The following GRIK4 variants were observed in gnomAD, a reference collection of about 807,000 sequenced individuals.
GRIK4 encodes glutamate receptor ionotropic, kainate 4.
Under a neutral mutation model 104.9 loss-of-function variants are expected in GRIK4, and 40 were observed. The observed-to-expected ratio is 0.38, with a 90% CI of 0.30 to 0.50. The LOEUF (loss-of-function observed/expected upper bound fraction) is 0.50. Ranked by LOEUF, GRIK4 falls within the 20% of genes least tolerant of loss-of-function variation. The probability of loss-of-function intolerance (pLI) is 0.93; values close to 1 mark genes in which losing one functional copy is unlikely to be tolerated. For synonymous variants in GRIK4, 485 were observed against 524.9 expected, an observed-to-expected ratio of 0.92 and a Z score of 1.04; for missense variants, 1,047 against 1,308.1, an observed-to-expected ratio of 0.80 and a Z score of 3.08.
intron 1 of GRIK4, among the ~76,000 whole-genome samples, chr11:120,633,895 A>C (rs926313787): frequency 2.0e-5 from 3 of 152,144 alleles, no homozygotes; most frequent in African/African-American, 7.2e-5. Context: ...AGACGATTGC[A>C]AACCTCTGAG....
chr11:120,845,155 G>T (rs1953820099), intron 8 of GRIK4, among the ~76,000 whole-genome samples: 1 of 152,174 alleles, frequency 6.6e-6, no homozygotes, highest in South Asian at 2.1e-4. Flanking sequence ...GGCATATGAG[G>T]TTGGGTGAGC....
intron 3 of GRIK4, among the ~76,000 whole-genome samples, chr11:120,756,728 C>G (rs1951660315): frequency 6.6e-6 from 1 of 152,184 alleles, no homozygotes; most frequent in Non-Finnish European, 1.5e-5. Flanking sequence ...GACACTGAGA[C>G]TCCTGGATGT....
intron 3 of GRIK4, among the ~76,000 whole-genome samples, chr11:120,779,131 G>A (rs141968524): frequency 2.6e-5 from 4 of 152,320 alleles, no homozygotes; most frequent in Non-Finnish European, 5.9e-5. Context: ...TGATTGACTG[G>A]ACATGATTTC....
chr11:120,776,147 C>T (rs1440529516), intron 3 of GRIK4, among the ~76,000 whole-genome samples: 1 of 152,240 alleles, frequency 6.6e-6, no homozygotes, highest in Non-Finnish European at 1.5e-5. Flanking sequence ...CATCTGCTCT[C>T]TGTTATTGTT....
intron 1 of GRIK4, among the ~76,000 whole-genome samples, chr11:120,539,042 C>T (rs1205469760): frequency 6.6e-6 from 1 of 152,230 alleles, no homozygotes; most frequent in Non-Finnish European, 1.5e-5. Context: ...GCCAGGGCCA[C>T]CTCCAAAGCA....
At chr11:120,577,185 T>C (rs143086547) in intron 1 of GRIK4, among the ~76,000 whole-genome samples, 16 of 152,290 alleles carry the variant, frequency 1.1e-4, no homozygotes, top group African/African-American at 3.4e-4. Flanking sequence ...CTCACCTTGG[T>C]GCATATGTGG....
chr11:120,618,606 C>T (rs921946082), intron 1 of GRIK4, among the ~76,000 whole-genome samples: 11 of 152,198 alleles, frequency 7.2e-5, no homozygotes, highest in South Asian at 2.1e-4. Context: ...ATAATGGTGT[C>T]GTGGGCCAGG....
At chr11:120,519,873 T>TG (rs1947775063) in intron 1 of GRIK4, among the ~76,000 whole-genome samples, 3 of 107,084 alleles carry the variant, frequency 2.8e-5, no homozygotes, top group African/African-American at 4.2e-5. Flanking sequence ...TGGTTTTTTT[T>TG]TTTTTTGTTT....
At chr11:120,552,302 A>T (rs889273867) in intron 1 of GRIK4, among the ~76,000 whole-genome samples, 5 of 152,140 alleles carry the variant, frequency 3.3e-5, no homozygotes, top group African/African-American at 1.2e-4. Context: ...GATGGTGGGG[A>T]GAACCCCCCA....
At chr11:120,740,218 A>G (rs540527985) in intron 3 of GRIK4, among the ~76,000 whole-genome samples, 33 of 152,338 alleles carry the variant, frequency 2.2e-4, no homozygotes, top group East Asian at 9.6e-4. Flanking sequence ...GTACTCTACA[A>G]TCGACAACTG....
At chr11:120,883,694 C>T (rs942361339) in intron 11 of GRIK4, among the ~76,000 whole-genome samples, 6 of 152,208 alleles carry the variant, frequency 3.9e-5, no homozygotes, top group South Asian at 2.1e-4. Context: ...ACACATCAGC[C>T]GGCAAACAAA....
chr11:120,748,070 A>G (rs1484670133), intron 3 of GRIK4, among the ~76,000 whole-genome samples: 2 of 152,004 alleles, frequency 1.3e-5, no homozygotes, highest in African/African-American at 4.8e-5. Flanking sequence ...GCCATTGGGG[A>G]CTGTGATTCT....
Position 120,535,177 on chromosome 11 carries a change from G to A in GRIK4, c.-159+23290G>A, listed in dbSNP as rs966433807. Among the ~76,000 whole-genome samples the A allele has an allele frequency of 3.0e-4, 46 of 152,136 alleles. 1 individual carries two copies. Among genetic ancestry groups the A allele is most frequent in the African/African-American group, 1.1e-3 (46 of 41,414 alleles). On this transcript the variant is annotated intron_variant, in intron 1 of 20. Coordinates refer to ENST00000527524, the MANE Select transcript of GRIK4 (RefSeq NM_014619.5). The stretch of plus-strand genomic sequence containing the variant: ...GTGTACGGCCCACTCTTGTGAGCCT[G>A]TCTGAGCAGGCTCCAGCACACCCGG...
intron 16 of GRIK4, among the ~76,000 whole-genome samples, chr11:120,960,581 G>A (rs1035019209): frequency 3.9e-5 from 6 of 152,304 alleles, no homozygotes; most frequent in Middle Eastern, 3.4e-3. Context: ...GCTGGCACCC[G>A]CAGCTCATTC....
intron 3 of GRIK4, among the ~76,000 whole-genome samples, chr11:120,703,320 C>T (rs1950581825): frequency 6.6e-6 from 1 of 152,142 alleles, no homozygotes; most frequent in African/African-American, 2.4e-5. Context: ...GGTCTTTCAA[C>T]CTACCCTCTG....
chr11:120,551,186 A>T (rs111755260), intron 1 of GRIK4, among the ~76,000 whole-genome samples: 2 of 152,138 alleles, frequency 1.3e-5, no homozygotes, highest in Admixed American at 6.5e-5. Context: ...TGGTGGTGGG[A>T]AGTTAACGAG....
At chr11:120,681,835 C>G (rs550140738) in intron 3 of GRIK4, among the ~76,000 whole-genome samples, 1 of 152,326 alleles carries the variant, frequency 6.6e-6, no homozygotes, top group East Asian at 1.9e-4. Context: ...CTGTCTGTAG[C>G]CGAGGGTCCC....
At chr11:120,883,304 C>G (rs1955020284) in intron 11 of GRIK4, among the ~76,000 whole-genome samples, 1 of 152,186 alleles carries the variant, frequency 6.6e-6, no homozygotes. Context: ...TCTAAAGCTA[C>G]TGTTCACCAA....
At chr11:120,944,201 TTCTC>T (rs71890093) in intron 14 of GRIK4, among the ~76,000 whole-genome samples, 282 of 131,850 alleles carry the variant, frequency 2.1e-3, no homozygotes, top group African/African-American at 7.0e-3. Context: ...CCTCCCTTCT[TTCTC>T]TCTCTCTCTC....
Sources: allele counts gnomAD v4.1 joint callset (sites outside exome capture counted in the v4.1 genomes callset), GRCh38; gene constraint gnomAD v4.1.1; transcripts MANE v1.5; gene names NCBI Gene and HGNC (gene_info 2026-07-23, HGNC 2026-07-21).